Variants in MAST2 observed in about 807,000 individuals in gnomAD.
MAST2 encodes microtubule-associated serine/threonine-protein kinase 2.
In MAST2, 70 loss-of-function variants were observed where a neutral mutation model predicts 147.4. That is an observed-to-expected ratio of 0.47 (90% CI 0.39 to 0.58). The LOEUF (loss-of-function observed/expected upper bound fraction) is 0.58. Among genes scored for constraint, MAST2 ranks in the 20% least tolerant of loss-of-function variants. The probability of loss-of-function intolerance (pLI) is 0.00; values close to 1 mark genes in which losing one functional copy is unlikely to be tolerated. For missense variants in MAST2, 2,080 were observed against 2,302.3 expected (o/e 0.90, Z 1.98); for synonymous variants, 869 against 896.8 (o/e 0.97, Z 0.55).
chr1:45,855,278 A>T (rs1557836276), intron 3 of MAST2, among the ~76,000 whole-genome samples: 1 of 152,172 alleles, frequency 6.6e-6, no homozygotes, highest in Non-Finnish European at 1.5e-5. Context: ...AAGACCAAAA[A>T]ATATATATTT....
intron 4 of MAST2, among the ~76,000 whole-genome samples, chr1:45,916,993 G>T (rs1317773384): frequency 1.3e-5 from 2 of 152,166 alleles, no homozygotes; most frequent in Non-Finnish European, 2.9e-5. Context: ...CAGGAGAATC[G>T]CTTGAACCCA....
chr1:45,861,129 G>A (rs1257031682), intron 3 of MAST2, among the ~76,000 whole-genome samples: 1 of 152,088 alleles, frequency 6.6e-6, no homozygotes, highest in Non-Finnish European at 1.5e-5. Context: ...TTTTCTTCCT[G>A]TCTTTTCGTC....
At chr1:45,814,808 A>C (rs560919590) in intron 1 of MAST2, among the ~76,000 whole-genome samples, 13 of 152,260 alleles carry the variant, frequency 8.5e-5, no homozygotes, top group Middle Eastern at 3.4e-3. Context: ...AGAAAAAGCT[A>C]TCTTGACCTT....
intron 7 of MAST2, 94 bp from the exon 8 acceptor site, chr1:46,006,147 C>A: frequency 7.9e-7 from 1 of 1,269,814 alleles, no homozygotes; most frequent in Non-Finnish European, 1.1e-6. Context: ...TTTATAGTGA[C>A]TGGGAAGTTC....
At chr1:45,930,814 A>G (rs1272183340) in intron 4 of MAST2, among the ~76,000 whole-genome samples, 1 of 152,186 alleles carries the variant, frequency 6.6e-6, no homozygotes, top group African/African-American at 2.4e-5. Context: ...ACAAGCTAAT[A>G]ATGAAGTTTA....
chr1:45,934,918 A>G (rs6677007), intron 4 of MAST2, among the ~76,000 whole-genome samples: 67,908 of 152,176 alleles, frequency 0.45, 15,355 homozygotes, highest in East Asian at 0.63. Flanking sequence ...CATATTTCCA[A>G]TGATGGGGTT....
intron 4 of MAST2, among the ~76,000 whole-genome samples, chr1:45,911,747 A>G (rs1651682120): frequency 6.6e-6 from 1 of 151,010 alleles, no homozygotes; most frequent in Non-Finnish European, 1.5e-5. Flanking sequence ...TCATATGGCT[A>G]TGATGAGTAC....
In MAST2 at chr1:45,972,044, A is replaced by G. The variant is rs149948276; in HGVS notation, c.592+12567A>G. On this transcript the variant is annotated intron_variant, in intron 5 of 28. Coordinates refer to ENST00000361297, the MANE Select transcript of MAST2 (RefSeq NM_015112.3). ...AAGGTCAAGCTCAAGCCCTAGTGTC[A>G]AGCAGGAAGATCCAGCTGCCAATTC... 1.8e-3 allele frequency among the ~76,000 whole-genome samples: 280 copies of G among 152,302 alleles called. 8 individuals are homozygous for G. The East Asian group carries it at 0.041, about 22-fold the overall frequency.
intron 3 of MAST2, among the ~76,000 whole-genome samples, chr1:45,839,017 A>G (rs1262973109): frequency 3.9e-5 from 6 of 151,956 alleles, no homozygotes. Flanking sequence ...TCTGTCATCC[A>G]GGCTGGAGTA....
chr1:45,963,580 A>C (rs752857587), intron 5 of MAST2, among the ~76,000 whole-genome samples: 1 of 152,192 alleles, frequency 6.6e-6, no homozygotes, highest in Non-Finnish European at 1.5e-5. Context: ...TTATTGATGT[A>C]TAAGAATGCT....
intron 1 of MAST2, among the ~76,000 whole-genome samples, chr1:45,817,620 A>G (rs527293844): frequency 6.6e-6 from 1 of 152,348 alleles, no homozygotes; most frequent in South Asian, 2.1e-4. Context: ...ATGAGCAATA[A>G]GAAATCATCT....
intron 4 of MAST2, among the ~76,000 whole-genome samples, chr1:45,951,354 G>A (rs1036837933): frequency 2.0e-5 from 3 of 152,128 alleles, no homozygotes; most frequent in African/African-American, 7.2e-5. Flanking sequence ...AGGACAAGAC[G>A]GGCGGATCAC....
chr1:45,858,754 A>G (rs796234528), intron 3 of MAST2, among the ~76,000 whole-genome samples: 1 of 151,074 alleles, frequency 6.6e-6, no homozygotes, highest in Non-Finnish European at 1.5e-5. Context: ...TAGGTCTAAC[A>G]TTTAAGTCTT....
rs553744963 is a variant in MAST2, at chr1:45,817,277, T to C, written c.178-7156T>C. On this transcript the variant is annotated intron_variant, in intron 1 of 28. Coordinates refer to ENST00000361297, the MANE Select transcript of MAST2 (RefSeq NM_015112.3). ...GCCCAAAGAAGACTATCTCAAGGCATTTAATAATCAAACTTCTAAAGGTAA... is the reference window on the plus strand; with the variant it reads ...GCCCAAAGAAGACTATCTCAAGGCACTTAATAATCAAACTTCTAAAGGTAA... 3.3e-5 allele frequency among the ~76,000 whole-genome samples: 5 copies of C among 152,156 alleles called. No individual in the cohort carries two copies. The South Asian group carries it at 1.0e-3, about 32-fold the overall frequency.
At chr1:45,902,066 A>G (rs1295487837) in intron 4 of MAST2, among the ~76,000 whole-genome samples, 9 of 152,126 alleles carry the variant, frequency 5.9e-5, no homozygotes, top group Admixed American at 3.3e-4. Context: ...CATTTCTTAG[A>G]GGGAATGTTT....
chr1:46,025,186 G>A (rs1475428528), intron 15 of MAST2, among the ~76,000 whole-genome samples: 1 of 152,136 alleles, frequency 6.6e-6, no homozygotes, highest in Non-Finnish European at 1.5e-5. Flanking sequence ...GGGTGTGGTG[G>A]TGCACGCCTG....
chr1:46,018,473 G>A (rs757995962), intron 10 of MAST2, among the ~76,000 whole-genome samples: 2 of 152,168 alleles, frequency 1.3e-5, no homozygotes, highest in Non-Finnish European at 2.9e-5. Context: ...AAGAGTAAAA[G>A]GAGTAGGTCT....
intron 5 of MAST2, among the ~76,000 whole-genome samples, chr1:45,973,504 C>G (rs1175262557): frequency 6.6e-6 from 1 of 152,084 alleles, no homozygotes; most frequent in African/African-American, 2.4e-5. Context: ...GTGAATAATT[C>G]AGTATGTTTG....
chr1:45,882,412 T>TACCATTATG lies in MAST2; in HGVS notation c.500+19_500+27dup. ...AGGCAGCTTGTAAGTAGATGATTAT[T>TACCATTATG]ACCATTATGATTATGATCTCCTACT... On this transcript the variant is annotated intron_variant, in intron 4 of 28. Transcript: ENST00000361297. The TACCATTATG allele has an allele frequency of 6.2e-7, 1 of 1,600,326 alleles. No individual in the cohort carries two copies. The highest frequency in any genetic ancestry group is 1.3e-5 in the African/African-American group (1 of 74,722).
Sources: allele counts gnomAD v4.1 joint callset (sites outside exome capture counted in the v4.1 genomes callset), GRCh38; gene constraint gnomAD v4.1.1; transcripts MANE v1.5; gene names NCBI Gene and HGNC (gene_info 2026-07-23, HGNC 2026-07-21).